Variants in ZCCHC7 observed in about 807,000 individuals in gnomAD.
The protein encoded by ZCCHC7 is zinc finger CCHC domain-containing protein 7.
In ZCCHC7, 35 loss-of-function variants were observed where a neutral mutation model predicts 52.0. That is an observed-to-expected ratio of 0.67 (90% CI 0.51 to 0.89). ZCCHC7 has a LOEUF of 0.89. Ranked by LOEUF, ZCCHC7 falls within the 40% of genes least tolerant of loss-of-function variation. The probability of loss-of-function intolerance (pLI) is 0.00; values close to 1 mark genes in which losing one functional copy is unlikely to be tolerated. For synonymous variants in ZCCHC7, 217 were observed against 221.5 expected, an observed-to-expected ratio of 0.98 and a Z score of 0.18; for missense variants, 574 against 649.1, an observed-to-expected ratio of 0.88 and a Z score of 1.26.
chr9:37,126,277 A>G, intron 1 of ZCCHC7, 35 bp from the exon 2 acceptor site: 2 of 1,539,062 alleles, frequency 1.3e-6, no homozygotes, highest in Admixed American at 2.1e-5. Flanking sequence ...CTGAACTTTT[A>G]AAGTATATTC....
intron 2 of ZCCHC7, among the ~76,000 whole-genome samples, chr9:37,162,396 T>A (rs1465458979): frequency 6.6e-6 from 1 of 152,140 alleles, no homozygotes; most frequent in Non-Finnish European, 1.5e-5. Flanking sequence ...TCCTGCCCCT[T>A]CATACCGTCC....
intron 2 of ZCCHC7, among the ~76,000 whole-genome samples, chr9:37,181,575 C>T (rs1006598398): frequency 2.0e-5 from 3 of 152,098 alleles, no homozygotes; most frequent in African/African-American, 7.2e-5. Context: ...CTTTAACATA[C>T]CTGAGCTTTG....
intron 6 of ZCCHC7, among the ~76,000 whole-genome samples, chr9:37,336,273 C>T (rs1830651064): frequency 6.6e-6 from 1 of 152,286 alleles, no homozygotes; most frequent in East Asian, 1.9e-4. Flanking sequence ...GCAACTCAAA[C>T]TTAAGCACTT....
rs773061136 is a variant in ZCCHC7 at position 37,278,062 on chromosome 9, TTTTGA to T, written c.611-24125_611-24121del. Among the ~76,000 whole-genome samples, 1,137 of 150,388 alleles carry T rather than the reference TTTTGA, an allele frequency of 7.6e-3. 6 individuals carry two copies. Among genetic ancestry groups the T allele is most frequent in the Non-Finnish European group, 0.013 (852 of 67,724 alleles). ...TTTTGTTTTGTTTTGTTTTGTTTTG[TTTTGA>T]GGCAGGAGTCTCACTGTGTCACCCA... is the stretch of plus-strand genomic sequence containing the variant. On this transcript the variant is annotated intron_variant, in intron 2 of 8. Coordinates refer to ENST00000336755, the MANE Select transcript of ZCCHC7 (RefSeq NM_032226.3).
intron 2 of ZCCHC7, 117 bp downstream of exon 2, chr9:37,127,059 T>G: frequency 1.5e-6 from 2 of 1,325,068 alleles, no homozygotes; most frequent in Non-Finnish European, 2.1e-6. Flanking sequence ...TTTGGTCTTG[T>G]TTTTTGGTTT....
At chr9:37,218,791 G>A (rs1179595978) in intron 2 of ZCCHC7, among the ~76,000 whole-genome samples, 1 of 152,014 alleles carries the variant, frequency 6.6e-6, no homozygotes, top group African/African-American at 2.4e-5. Context: ...CCTGGGTGAC[G>A]GAGCGAGACT....
intron 2 of ZCCHC7, among the ~76,000 whole-genome samples, chr9:37,266,077 GTAGGAACTGTATTTACTGTA>G (rs1378641534): frequency 6.6e-6 from 1 of 152,180 alleles, no homozygotes. Flanking sequence ...AAAGAAAAGA[GTAGGAACTGTATTTACTGTA>G]TCAATATGGT....
chr9:37,330,157 G>T (rs374843679), intron 6 of ZCCHC7, among the ~76,000 whole-genome samples: 11 of 150,274 alleles, frequency 7.3e-5, no homozygotes, highest in African/African-American at 2.7e-4. Context: ...ACAGAATATT[G>T]TTTCTCAAAC....
intron 6 of ZCCHC7, among the ~76,000 whole-genome samples, chr9:37,339,319 C>T (rs560480285): frequency 7.2e-5 from 11 of 152,274 alleles, no homozygotes; most frequent in African/African-American, 2.2e-4. Flanking sequence ...TCCAAAACCT[C>T]AGTTGAAGTA....
At chr9:37,285,220 A>T (rs1381464496) in intron 2 of ZCCHC7, among the ~76,000 whole-genome samples, 1 of 152,140 alleles carries the variant, frequency 6.6e-6, no homozygotes, top group Non-Finnish European at 1.5e-5. Context: ...TATCTTAGAG[A>T]TGATGTAGGG....
intron 2 of ZCCHC7, among the ~76,000 whole-genome samples, chr9:37,243,823 A>G (rs981746937): frequency 2.0e-5 from 3 of 151,904 alleles, no homozygotes; most frequent in African/African-American, 4.8e-5. Flanking sequence ...AAGTGGAAAC[A>G]TTAACTAGTC....
intron 2 of ZCCHC7, among the ~76,000 whole-genome samples, chr9:37,134,079 A>C (rs1267409128): frequency 6.6e-6 from 1 of 152,138 alleles, no homozygotes; most frequent in Non-Finnish European, 1.5e-5. Flanking sequence ...TAGGTAAACA[A>C]ATTCCCGGTA....
chr9:37,215,384 T>A (rs1004273693), intron 2 of ZCCHC7, among the ~76,000 whole-genome samples: 4 of 152,170 alleles, frequency 2.6e-5, no homozygotes, highest in African/African-American at 9.6e-5. Context: ...TAACTCCTCA[T>A]TTCGAAAGAT....
intron 2 of ZCCHC7, among the ~76,000 whole-genome samples, chr9:37,200,105 C>T (rs1175655822): frequency 2.6e-5 from 4 of 152,246 alleles, no homozygotes; most frequent in South Asian, 4.1e-4. Context: ...TTGGGTTACA[C>T]GTTCTTTTAT....
chr9:37,190,435 C>G (rs998076525), intron 2 of ZCCHC7, among the ~76,000 whole-genome samples: 5 of 152,142 alleles, frequency 3.3e-5, no homozygotes, highest in Non-Finnish European at 5.9e-5. Flanking sequence ...TGCTTTGAGT[C>G]TAGGGCAGGA....
At chr9:37,289,227 G>A (rs914892891) in intron 2 of ZCCHC7, among the ~76,000 whole-genome samples, 3 of 150,722 alleles carry the variant, frequency 2.0e-5, no homozygotes, top group Non-Finnish European at 4.4e-5. Context: ...TCGGGTCACT[G>A]CAACCTCTGC....
intron 2 of ZCCHC7, among the ~76,000 whole-genome samples, chr9:37,152,584 G>A (rs1177644235): frequency 6.6e-6 from 1 of 151,956 alleles, no homozygotes; most frequent in Non-Finnish European, 1.5e-5. Flanking sequence ...AGGAATGTTA[G>A]GTATTTTATA....
intron 2 of ZCCHC7, among the ~76,000 whole-genome samples, chr9:37,297,329 C>T (rs774479320): frequency 6.6e-6 from 1 of 152,134 alleles, no homozygotes; most frequent in South Asian, 2.1e-4. Context: ...AGCACCATGT[C>T]TAAGACATCT....
intron 2 of ZCCHC7, among the ~76,000 whole-genome samples, chr9:37,216,907 T>C (rs901543722): frequency 6.6e-6 from 1 of 152,158 alleles, no homozygotes; most frequent in Non-Finnish European, 1.5e-5. Context: ...AGATTAAGGA[T>C]AATTTCTAAT....
Sources: gnomAD v4.1 joint callset for allele counts (sites outside exome capture counted in the v4.1 genomes callset) on GRCh38, gnomAD v4.1.1 for gene constraint, MANE v1.5 for transcripts, NCBI Gene and HGNC (gene_info 2026-07-23, HGNC 2026-07-21) for gene names.